Variants in RAPGEF4 observed in about 807,000 individuals in gnomAD.
The protein encoded by RAPGEF4 is Rap guanine nucleotide exchange factor 4.
A neutral mutation model predicts 147.9 loss-of-function variants in RAPGEF4; 66 were observed. That is an observed-to-expected ratio of 0.45 (90% CI 0.37 to 0.55). The LOEUF (loss-of-function observed/expected upper bound fraction) is 0.55, where lower values mean the gene tolerates loss of function less well. Ranked by LOEUF, RAPGEF4 falls within the 20% of genes least tolerant of loss-of-function variation. RAPGEF4 has a pLI of 0.00. For synonymous variants in RAPGEF4, 419 were observed against 442.7 expected (o/e 0.95, Z 0.67); for missense variants, 1,071 against 1,257.3 (o/e 0.85, Z 2.24).
At chr2:172,742,771 G>T (rs1292348439) in intron 1 of RAPGEF4, among the ~76,000 whole-genome samples, 1 of 152,158 alleles carries the variant, frequency 6.6e-6, no homozygotes, top group Admixed American at 6.5e-5. Context: ...GGAAAGGAAA[G>T]TTTAGCCAGA....
At chr2:172,944,991 T>C (rs1477291207) in intron 6 of RAPGEF4, among the ~76,000 whole-genome samples, 1 of 152,076 alleles carries the variant, frequency 6.6e-6, no homozygotes, top group African/African-American at 2.4e-5. Context: ...TTTCTTCTTA[T>C]ACACATTCTT....
intron 4 of RAPGEF4, among the ~76,000 whole-genome samples, chr2:172,836,351 G>A (rs553669767): frequency 7.9e-5 from 12 of 152,218 alleles, no homozygotes; most frequent in Non-Finnish European, 1.6e-4. Flanking sequence ...GTGCTTTGAG[G>A]TTAAAGGTGT....
At chr2:172,768,935 GA>G in intron 1 of RAPGEF4, among the ~76,000 whole-genome samples, 1 of 152,212 alleles carries the variant, frequency 6.6e-6, no homozygotes, top group East Asian at 1.9e-4. Flanking sequence ...CTCTCACAGA[GA>G]ACTGAATACC....
At chr2:172,767,178 AT>A (rs530659614) in intron 1 of RAPGEF4, among the ~76,000 whole-genome samples, 10,894 of 136,824 alleles carry the variant, frequency 0.08, 383 homozygotes, top group Middle Eastern at 0.16. Flanking sequence ...TAAACACTCT[AT>A]TTTTTTTTTT....
At position 172,795,177 on chromosome 2, in the gene RAPGEF4, GC is replaced by G; in HGVS notation, c.208+11del. On this transcript the variant is annotated intron_variant, in intron 2 of 30. Coordinates refer to ENST00000397081, the MANE Select transcript of RAPGEF4 (RefSeq NM_007023.4). ...GAAAAGGGAATAACATGTAAGAAAT[GC>G]AACTCTTGTAGTATATTTCCATGTA... The G allele has an allele frequency of 6.3e-7, 1 of 1,595,590 alleles. No individual in the cohort carries two copies.
At chr2:172,758,340 G>A (rs1012315787) in intron 1 of RAPGEF4, among the ~76,000 whole-genome samples, 6 of 152,178 alleles carry the variant, frequency 3.9e-5, no homozygotes, top group Admixed American at 1.3e-4. Flanking sequence ...GAACTTGACA[G>A]CTGTTATAAA....
At chr2:172,946,846 C>A (rs757211621) in intron 6 of RAPGEF4, among the ~76,000 whole-genome samples, 5 of 152,180 alleles carry the variant, frequency 3.3e-5, no homozygotes, top group African/African-American at 7.2e-5. Flanking sequence ...TTGAGAAGCC[C>A]CACCTGCTGA....
At chr2:172,814,720 A>G in intron 4 of RAPGEF4, 1 of 387,848 alleles carries the variant, frequency 2.6e-6, no homozygotes, top group Middle Eastern at 8.1e-4. Flanking sequence ...TCTTTTCCAC[A>G]GATGTATTCT....
chr2:172,952,375 G>A (rs1688291101), intron 6 of RAPGEF4, among the ~76,000 whole-genome samples: 1 of 152,174 alleles, frequency 6.6e-6, no homozygotes, highest in South Asian at 2.1e-4. Flanking sequence ...GGAAACAAGG[G>A]TGAATGATGA....
At chr2:173,008,795 T>G (rs957006964) in intron 17 of RAPGEF4, among the ~76,000 whole-genome samples, 14 of 152,086 alleles carry the variant, frequency 9.2e-5, no homozygotes, top group Non-Finnish European at 1.5e-4. Context: ...TAAAAAAAAG[T>G]ACAGAAAAAT....
intron 6 of RAPGEF4, among the ~76,000 whole-genome samples, chr2:172,957,343 A>C (rs1214054011): frequency 5.9e-5 from 9 of 152,224 alleles, no homozygotes; most frequent in Non-Finnish European, 7.3e-5. Flanking sequence ...AAAATTCTCA[A>C]AAGAAACTTT....
chr2:172,907,581 G>C (rs924820945), intron 4 of RAPGEF4, among the ~76,000 whole-genome samples: 1 of 152,102 alleles, frequency 6.6e-6, no homozygotes, highest in Non-Finnish European at 1.5e-5. Context: ...AAAACAGGTG[G>C]TACATTATAA....
chr2:172,879,937 A>C (rs73977722), intron 4 of RAPGEF4, among the ~76,000 whole-genome samples: 4,735 of 152,324 alleles, frequency 0.031, 163 homozygotes, highest in South Asian at 0.15. Flanking sequence ...TGGTACAACA[A>C]AAGCTTTTCC....
chr2:172,924,935 G>A (rs1281195899), intron 6 of RAPGEF4, among the ~76,000 whole-genome samples: 2 of 152,096 alleles, frequency 1.3e-5, no homozygotes, highest in Non-Finnish European at 2.9e-5. Context: ...TAATCACCAT[G>A]TTTAACTGTT....
chr2:172,813,806 A>G (rs56042440), intron 3 of RAPGEF4, among the ~76,000 whole-genome samples: 17,572 of 152,282 alleles, frequency 0.12, 1,063 homozygotes, highest in South Asian at 0.18. Flanking sequence ...CAAAGTAGAA[A>G]CAACCCAAAT....
At chr2:172,855,439 CAAGTAATATTTTT>C (rs1427375705) in intron 4 of RAPGEF4, among the ~76,000 whole-genome samples, 3 of 152,192 alleles carry the variant, frequency 2.0e-5, no homozygotes, top group East Asian at 3.9e-4. Flanking sequence ...GCCTGTAATA[CAAGTAATATTTTT>C]AAGTAATATT....
intron 8 of RAPGEF4, among the ~76,000 whole-genome samples, chr2:172,964,225 A>C (rs1050669079): frequency 6.6e-6 from 1 of 152,074 alleles, no homozygotes; most frequent in African/African-American, 2.4e-5. Flanking sequence ...AGACTGTAAT[A>C]AGGGCAGTCC....
intron 4 of RAPGEF4, among the ~76,000 whole-genome samples, chr2:172,830,030 A>G (rs1698891078): frequency 6.6e-6 from 1 of 152,060 alleles, no homozygotes; most frequent in Non-Finnish European, 1.5e-5. Flanking sequence ...TTAACATATT[A>G]TCAGCTTTCA....
intron 8 of RAPGEF4, among the ~76,000 whole-genome samples, chr2:172,962,196 C>T (rs1182477693): frequency 6.6e-6 from 1 of 152,176 alleles, no homozygotes; most frequent in Non-Finnish European, 1.5e-5. Flanking sequence ...ACTCTGTCTT[C>T]CCAAACCCAG....
Sources: gnomAD v4.1 joint callset for allele counts (sites outside exome capture counted in the v4.1 genomes callset) on GRCh38, gnomAD v4.1.1 for gene constraint, MANE v1.5 for transcripts, NCBI Gene and HGNC (gene_info 2026-07-23, HGNC 2026-07-21) for gene names.